Variants in PRRC2C observed in about 807,000 individuals in gnomAD.
The protein encoded by PRRC2C is proline rich coiled-coil 2C.
In PRRC2C, 72 loss-of-function variants were observed where a neutral mutation model predicts 317.2. That is an observed-to-expected ratio of 0.23 (90% CI 0.19 to 0.28). The LOEUF (loss-of-function observed/expected upper bound fraction) is 0.28. Ranked by LOEUF, PRRC2C falls within the 10% of genes least tolerant of loss-of-function variation. PRRC2C has a pLI of 1.00. For missense variants in PRRC2C, 3,074 were observed against 3,459.7 expected (o/e 0.89, Z 2.80); for synonymous variants, 1,296 against 1,205.9 (o/e 1.07, Z -1.55).
rs1016108946 is a variant in PRRC2C, at chr1:171,557,644, C to G, written c.5532C>G (p.Pro1844=). ...CAGCCTCAGCCCCAGCTCCAACCCC[C>G]ATCCTTGCCTCAGTTTCAACCCCAG... ...SAPASAPAPT[P]ILASVSTPAS... Residue 1844 remains proline, a synonymous_variant, in exon 19 of 35, where the codon CCC becomes CCG. Coordinates refer to ENST00000647382, the MANE Select transcript of PRRC2C (RefSeq NM_001387844.1). 5.2e-6 allele frequency: 8 copies of G among 1,551,312 alleles called. No homozygotes were observed. The highest frequency in any genetic ancestry group is 7.0e-6 in the Non-Finnish European group (8 of 1,146,942).
At chr1:171,577,694 C>A (rs6685179) in intron 26 of PRRC2C, 57 bp downstream of exon 26, 973,143 of 1,486,454 alleles carry the variant, frequency 0.65, 320,255 homozygotes, top group East Asian at 0.84. Flanking sequence ...TACTAAAATG[C>A]TTATTTTTGT....
In PRRC2C at chr1:171,557,314, A is replaced by G; in HGVS notation, c.5202A>G (p.Lys1734=). The part of the protein sequence containing the change: ...TSKLPPRFAK[K]QATGIQQAQS... ...AGCTTCCTCCAAGATTTGCCAAAAA[A>G]CAGGCTACAGGGATCCAGCAAGCAC... Residue 1734 remains lysine (K), a synonymous_variant, in exon 19 of 35, where the codon AAA becomes AAG. Transcript: ENST00000647382. 1 of 1,552,034 alleles carries G rather than the reference A, an allele frequency of 6.4e-7. No homozygotes were observed. The highest frequency in any genetic ancestry group is 8.7e-7 in the Non-Finnish European group (1 of 1,147,048).
At chr1:171,523,013 CT>C (rs1673894192) in intron 7 of PRRC2C, among the ~76,000 whole-genome samples, 1 of 151,956 alleles carries the variant, frequency 6.6e-6, no homozygotes, top group Non-Finnish European at 1.5e-5. Flanking sequence ...TTCTTAAAAA[CT>C]TTGTCAGCTG....
In PRRC2C at chr1:171,573,673, C is replaced by CTTTTT. The variant is rs1024285954; in HGVS notation, c.6754-1235_6754-1231dup. Among the ~76,000 whole-genome samples, 437 of 85,778 alleles carry CTTTTT rather than the reference C, an allele frequency of 5.1e-3. 7 individuals carry two copies. Among genetic ancestry groups the CTTTTT allele is most frequent in the Middle Eastern group, 0.011 (1 of 92 alleles). The allele number at this position is 85,778 out of a possible 152,430, so 56.3% of individuals were successfully genotyped here. A position where few individuals can be genotyped will look rare whatever the true frequency, so the allele number is the denominator to read the frequency against. On this transcript the variant is annotated intron_variant, in intron 24 of 34. Transcript: ENST00000647382. ...AAAATATGTACTATGTCTCAAAATT[C>CTTTTT]TTTTTTTTTTTTTTTTTTTTTTTGA...
At chr1:171,551,613 T>C (rs1446324246) in intron 18 of PRRC2C, among the ~76,000 whole-genome samples, 1 of 152,244 alleles carries the variant, frequency 6.6e-6, no homozygotes, top group African/African-American at 2.4e-5. Context: ...TTTAAGTCTT[T>C]AATCCATCTT....
chr1:171,579,905 G>C lies in PRRC2C; in HGVS notation c.7350G>C (p.Gly2450=). The C allele has an allele frequency of 6.3e-7, 1 of 1,598,200 alleles. No individual in the cohort carries two copies. The highest frequency in any genetic ancestry group is 8.5e-7 in the Non-Finnish European group (1 of 1,173,822). Residue 2450 remains glycine, a synonymous_variant, in exon 28 of 35, where the codon GGG becomes GGC. Coordinates refer to ENST00000647382, the MANE Select transcript of PRRC2C (RefSeq NM_001387844.1). ...AGCATCAAGCCCAACTGAGTTTGGG[G>C]GCTGGCCCTGCTGTTTCCCAGGCTC... ...QGQHQAQLSL[G]AGPAVSQAQE... is the part of the protein sequence containing the mutation.
intron 3 of PRRC2C, among the ~76,000 whole-genome samples, chr1:171,514,165 A>G (rs1460184261): frequency 6.6e-6 from 1 of 152,202 alleles, no homozygotes; most frequent in East Asian, 1.9e-4. Context: ...TCACCAGTCC[A>G]GACTGTATGT....
At chr1:171,519,629 C>T (rs1403020796) in intron 6 of PRRC2C, among the ~76,000 whole-genome samples, 2 of 152,064 alleles carry the variant, frequency 1.3e-5, no homozygotes, top group Non-Finnish European at 2.9e-5. Context: ...TTACTTTCAG[C>T]CCAATGTGAA....
chr1:171,562,572 G>A (rs1260482051), intron 20 of PRRC2C, among the ~76,000 whole-genome samples: 2 of 152,228 alleles, frequency 1.3e-5, no homozygotes, highest in African/African-American at 4.8e-5. Flanking sequence ...AGATTGAGCT[G>A]ACAAGATTTA....
At chr1:171,581,078 A>T (rs370361020) in intron 28 of PRRC2C, among the ~76,000 whole-genome samples, 5 of 152,192 alleles carry the variant, frequency 3.3e-5, no homozygotes, top group African/African-American at 4.8e-5. Context: ...TTGATTAAAG[A>T]TGCTTTAGTA....
At chr1:171,580,364 TAACAG>T (rs1648255579) in intron 28 of PRRC2C, among the ~76,000 whole-genome samples, 1 of 152,242 alleles carries the variant, frequency 6.6e-6, no homozygotes, top group East Asian at 1.9e-4. Context: ...GGGTGGAATA[TAACAG>T]AACAGAGAGG....
intron 3 of PRRC2C, 141 bp from the exon 4 acceptor site, chr1:171,514,395 A>G: frequency 1.5e-6 from 1 of 654,176 alleles, no homozygotes; most frequent in East Asian, 2.8e-5. Context: ...GGAATGTTGC[A>G]GAGAGAAAAC....
intron 10 of PRRC2C, among the ~76,000 whole-genome samples, chr1:171,526,617 C>T (rs368233623): frequency 1.3e-5 from 2 of 152,040 alleles, no homozygotes; most frequent in Admixed American, 6.5e-5. Flanking sequence ...GGATTACAGG[C>T]GTGAGGCACC....
chr1:171,518,576 C>T (rs1457904555), intron 6 of PRRC2C, among the ~76,000 whole-genome samples: 1 of 139,362 alleles, frequency 7.2e-6, no homozygotes, highest in Non-Finnish European at 1.5e-5. Flanking sequence ...CAGCTCACTG[C>T]ACCCTCTGCC....
intron 1 of PRRC2C, among the ~76,000 whole-genome samples, chr1:171,493,602 T>A (rs978917006): frequency 2.0e-5 from 3 of 152,202 alleles, no homozygotes; most frequent in African/African-American, 7.2e-5. Flanking sequence ...GGTGGATTAC[T>A]TGAGGTCAGG....
At position 171,531,723 on chromosome 1, in the gene PRRC2C, T is replaced by C. The variant is rs1675927630; in HGVS notation, c.1255-620T>C. The stretch of plus-strand genomic sequence containing the variant: ...GTCATTGAAACTTGGATGTTTCAGA[T>C]GATCCTCCGATTCTCCACTCCGGGT... On this transcript the variant is annotated intron_variant, in intron 11 of 34. Coordinates refer to ENST00000647382, the MANE Select transcript of PRRC2C (RefSeq NM_001387844.1). 1.3e-5 allele frequency among the ~76,000 whole-genome samples: 2 copies of C among 152,266 alleles called. 1 individual carries two copies. The highest frequency in any genetic ancestry group is 4.1e-4 in the South Asian group (2 of 4,834).
chr1:171,560,793 C>T (rs767111793), intron 19 of PRRC2C, among the ~76,000 whole-genome samples: 2 of 152,112 alleles, frequency 1.3e-5, no homozygotes, highest in Non-Finnish European at 2.9e-5. Context: ...TGCTTTATTG[C>T]AATACTTGCT....
At chr1:171,591,379 T>G in intron 34 of PRRC2C, 3 of 628,608 alleles carry the variant, frequency 4.8e-6, no homozygotes, top group Non-Finnish European at 6.9e-6. Flanking sequence ...TGTGGTTTTT[T>G]TTTTTTTTTT....
chr1:171,587,429 T>C (rs958917436), intron 31 of PRRC2C, among the ~76,000 whole-genome samples: 9 of 152,210 alleles, frequency 5.9e-5, no homozygotes, highest in Non-Finnish European at 1.0e-4. Flanking sequence ...AATTCACAAA[T>C]TTATTGGAAG....
Sources: gnomAD v4.1 joint callset for allele counts (sites outside exome capture counted in the v4.1 genomes callset) on GRCh38, gnomAD v4.1.1 for gene constraint, MANE v1.5 for transcripts, NCBI Gene and HGNC (gene_info 2026-07-23, HGNC 2026-07-21) for gene names.